The following HDAC9 variants were observed in gnomAD, a reference collection of about 807,000 sequenced individuals.
HDAC9 encodes the protein histone deacetylase 9, also known as MEF-2 interacting transcription repressor (MITR) protein.
Under a neutral mutation model 139.4 loss-of-function variants are expected in HDAC9, and 41 were observed. That is an observed-to-expected ratio of 0.29 (90% CI 0.23 to 0.38). The LOEUF is 0.38. Ranked by LOEUF, HDAC9 falls within the 10% of genes least tolerant of loss-of-function variation. The pLI is 1.00. For missense variants in HDAC9, 1,147 were observed against 1,297.0 expected, an observed-to-expected ratio of 0.88 and a Z score of 1.78; for synonymous variants, 517 against 476.2, an observed-to-expected ratio of 1.09 and a Z score of -1.12.
At chr7:18,521,704 A>G (rs1302297969) in intron 2 of HDAC9, among the ~76,000 whole-genome samples, 1 of 152,182 alleles carries the variant, frequency 6.6e-6, no homozygotes, top group Non-Finnish European at 1.5e-5. Flanking sequence ...CTAATAATAA[A>G]CAACAGTCTA....
At chr7:18,207,249 A>C (rs1447102457) in intron 2 of HDAC9, among the ~76,000 whole-genome samples, 1 of 152,028 alleles carries the variant, frequency 6.6e-6, no homozygotes, top group Non-Finnish European at 1.5e-5. Context: ...CTGATTTGAA[A>C]TATCTTATAA....
At chr7:18,099,937 T>G (rs1057399155) in intron 1 of HDAC9, among the ~76,000 whole-genome samples, 1 of 152,180 alleles carries the variant, frequency 6.6e-6, no homozygotes, top group African/African-American at 2.4e-5. Context: ...TCTTTATTCC[T>G]TTGTCTATAT....
intron 1 of HDAC9, among the ~76,000 whole-genome samples, chr7:18,473,586 T>C (rs1476467943): frequency 6.6e-6 from 1 of 152,224 alleles, no homozygotes; most frequent in Non-Finnish European, 1.5e-5. Flanking sequence ...TATGACAATA[T>C]AAGAAGAGAT....
intron 11 of HDAC9, among the ~76,000 whole-genome samples, chr7:18,658,148 CCTT>C (rs2129054119): frequency 6.6e-6 from 1 of 152,242 alleles, no homozygotes; most frequent in South Asian, 2.1e-4. Flanking sequence ...CCTGCTCACC[CCTT>C]CTTTCAGCTC....
At chr7:18,286,128 A>G (rs899906461), upstream of HDAC9, among the ~76,000 whole-genome samples, 3 of 152,100 alleles carry the variant, frequency 2.0e-5, no homozygotes, top group African/African-American at 7.2e-5. Context: ...CAGAATTGAA[A>G]TGAATAAACT....
intron 2 of HDAC9, among the ~76,000 whole-genome samples, chr7:18,549,105 G>A (rs753787173): frequency 4.6e-5 from 7 of 152,116 alleles, no homozygotes; most frequent in Non-Finnish European, 8.8e-5. Context: ...GGGTGTGGTG[G>A]TGCGTGCCTG....
intron 1 of HDAC9, among the ~76,000 whole-genome samples, chr7:18,481,260 G>T (rs1162482289): frequency 6.6e-6 from 1 of 152,136 alleles, no homozygotes; most frequent in East Asian, 1.9e-4. Context: ...CATAGGCTTT[G>T]AACAGTTTGC....
intron 2 of HDAC9, among the ~76,000 whole-genome samples, chr7:18,206,095 A>C (rs558419070): frequency 6.2e-4 from 94 of 152,308 alleles, no homozygotes; most frequent in African/African-American, 1.9e-3. Flanking sequence ...TTTGTGTGCC[A>C]TGAAAGCTAT....
At chr7:18,727,913 A>G (rs892181155) in intron 13 of HDAC9, among the ~76,000 whole-genome samples, 156 bp downstream of exon 13, 1 of 152,254 alleles carries the variant, frequency 6.6e-6, no homozygotes, top group Non-Finnish European at 1.5e-5. Context: ...GCTATAAGAC[A>G]AACAGCACAT....
intron 12 of HDAC9, among the ~76,000 whole-genome samples, chr7:18,716,046 A>T (rs189262954): frequency 5.9e-5 from 9 of 152,334 alleles, no homozygotes; most frequent in Non-Finnish European, 1.3e-4. Flanking sequence ...TTATATCCAG[A>T]CTCTAATTAT....
chr7:18,197,201 C>A (rs1295448915), intron 2 of HDAC9, among the ~76,000 whole-genome samples: 1 of 152,076 alleles, frequency 6.6e-6, no homozygotes, highest in African/African-American at 2.4e-5. Flanking sequence ...CTTGCCAGAC[C>A]CCTTAATCAT....
chr7:18,118,008 C>T (rs1031934171), intron 1 of HDAC9, among the ~76,000 whole-genome samples: 2 of 152,190 alleles, frequency 1.3e-5, no homozygotes, highest in African/African-American at 4.8e-5. Context: ...TTACAGATCT[C>T]TCTGAGTCTC....
chr7:18,736,628 C>T (rs572691235), intron 13 of HDAC9, among the ~76,000 whole-genome samples: 6 of 152,260 alleles, frequency 3.9e-5, no homozygotes, highest in Admixed American at 2.0e-4. Context: ...CTGCTGGATT[C>T]GGTTTGCCAG....
chr7:18,610,228 G>C (rs1223381389), intron 6 of HDAC9, among the ~76,000 whole-genome samples: 3 of 152,104 alleles, frequency 2.0e-5, no homozygotes, highest in Non-Finnish European at 2.9e-5. Context: ...AATTAGTTTA[G>C]TTTAAAAAGT....
At chr7:18,103,768 G>A (rs1294613750) in intron 1 of HDAC9, among the ~76,000 whole-genome samples, 1 of 152,104 alleles carries the variant, frequency 6.6e-6, no homozygotes, top group East Asian at 1.9e-4. Context: ...CATATTTCTG[G>A]TCACAAAAAT....
intron 22 of HDAC9, among the ~76,000 whole-genome samples, chr7:18,904,427 T>C (rs77451681): frequency 0.05 from 7,647 of 152,176 alleles, 274 homozygotes; most frequent in South Asian, 0.13. Flanking sequence ...AAAGTTAAAA[T>C]CTATATGGAA....
chr7:18,321,226 T>C (rs962009302), intron 1 of HDAC9, among the ~76,000 whole-genome samples: 1 of 152,180 alleles, frequency 6.6e-6, no homozygotes, highest in South Asian at 2.1e-4. Context: ...ACTTTTTCTA[T>C]CTCTTCCCTT....
In HDAC9 at chr7:18,729,840, G is replaced by A. The variant is rs1345873643; in HGVS notation, c.1909+2083G>A. On this transcript the variant is annotated intron_variant, in intron 13 of 25. Transcript: ENST00000686413. ...ATATAAAATTATTTTAGAAAACACA[G>A]GATTTTGTACTTAATAGGCATTCAA... Among the ~76,000 whole-genome samples, 13 of 152,040 alleles carry A rather than the reference G, an allele frequency of 8.6e-5. 1 individual carries two copies. The highest frequency in any genetic ancestry group is 8.5e-4 in the Admixed American group (13 of 15,260).
chr7:18,257,058 C>A (rs1185376953), intron 2 of HDAC9, among the ~76,000 whole-genome samples: 3 of 151,678 alleles, frequency 2.0e-5, no homozygotes, highest in Admixed American at 1.3e-4. Flanking sequence ...CACTGCACAC[C>A]AGCCTGGGTG....
Sources: allele counts gnomAD v4.1 joint callset (sites outside exome capture counted in the v4.1 genomes callset), GRCh38; gene constraint gnomAD v4.1.1; transcripts MANE v1.5; gene names NCBI Gene and HGNC (gene_info 2026-07-23, HGNC 2026-07-21).